Variants in SLC24A3 observed in about 807,000 individuals in gnomAD.
SLC24A3 encodes solute carrier family 24 member 3.
In SLC24A3, 28 loss-of-function variants were observed where a neutral mutation model predicts 75.8. The ratio of observed to expected loss-of-function variants is 0.37; its 90% confidence interval spans 0.27 to 0.51. SLC24A3 has a LOEUF of 0.51. Among genes scored for constraint, SLC24A3 ranks in the 20% least tolerant of loss-of-function variants. The probability of loss-of-function intolerance (pLI) is 0.94; values close to 1 mark genes in which losing one functional copy is unlikely to be tolerated. For missense variants in SLC24A3, 663 were observed against 847.8 expected (o/e 0.78, Z 2.71); for synonymous variants, 372 against 334.1 (o/e 1.11, Z -1.24).
chr20:19,228,883 G>A (rs1220039306), intron 1 of SLC24A3, among the ~76,000 whole-genome samples: 2 of 152,000 alleles, frequency 1.3e-5, no homozygotes, highest in Non-Finnish European at 2.9e-5. Context: ...TAGCTCCTTT[G>A]CCAGGTTTTG....
chr20:19,452,121 G>C (rs1041693699), intron 2 of SLC24A3, among the ~76,000 whole-genome samples: 3 of 152,120 alleles, frequency 2.0e-5, no homozygotes, highest in African/African-American at 7.2e-5. Context: ...TAGATGAGGC[G>C]CTTAAGGCTT....
intron 2 of SLC24A3, among the ~76,000 whole-genome samples, chr20:19,329,457 A>G (rs190444280): frequency 1.3e-5 from 2 of 152,290 alleles, no homozygotes; most frequent in Admixed American, 1.3e-4. Context: ...TAGGAAACAC[A>G]ACGAGATGCT....
chr20:19,438,965 T>A (rs6136728), intron 2 of SLC24A3, among the ~76,000 whole-genome samples: 9,575 of 152,184 alleles, frequency 0.063, 977 homozygotes, highest in East Asian at 0.44. Flanking sequence ...ATGCCCAGAG[T>A]CAAGCGCATG....
intron 2 of SLC24A3, among the ~76,000 whole-genome samples, chr20:19,325,332 G>T (rs1363829141): frequency 6.6e-6 from 1 of 151,892 alleles, no homozygotes; most frequent in Admixed American, 6.6e-5. Context: ...TGTAGTCCCA[G>T]CTACTGGTGG....
At chr20:19,444,994 C>T (rs1457562524) in intron 2 of SLC24A3, among the ~76,000 whole-genome samples, 1 of 152,042 alleles carries the variant, frequency 6.6e-6, no homozygotes, top group Non-Finnish European at 1.5e-5. Context: ...CTGTGTCTCA[C>T]ACGTTTTGAT....
At chr20:19,238,836 C>T (rs1007299156) in intron 1 of SLC24A3, among the ~76,000 whole-genome samples, 21 of 152,226 alleles carry the variant, frequency 1.4e-4, no homozygotes, top group African/African-American at 5.1e-4. Context: ...TCCACAATGA[C>T]GACAATGATC....
chr20:19,639,629 C>T (rs1018688385), intron 6 of SLC24A3, among the ~76,000 whole-genome samples: 9 of 152,256 alleles, frequency 5.9e-5, no homozygotes, highest in Admixed American at 3.3e-4. Flanking sequence ...GCTGTGCAGC[C>T]GCACTCCTCA....
At chr20:19,690,871 AT>A (rs903954885) in intron 12 of SLC24A3, among the ~76,000 whole-genome samples, 1 of 151,938 alleles carries the variant, frequency 6.6e-6, no homozygotes, top group Non-Finnish European at 1.5e-5. Flanking sequence ...TTTTCTTACT[AT>A]TTTTTTTGTT....
At chr20:19,312,146 G>T (rs537697841) in intron 2 of SLC24A3, among the ~76,000 whole-genome samples, 1 of 152,274 alleles carries the variant, frequency 6.6e-6, no homozygotes, top group South Asian at 2.1e-4. Flanking sequence ...TTTCTAAGTG[G>T]CAGTGGGTGT....
intron 6 of SLC24A3, among the ~76,000 whole-genome samples, chr20:19,612,716 G>C (rs2031687509): frequency 1.3e-5 from 2 of 151,736 alleles, no homozygotes; most frequent in South Asian, 4.2e-4. Context: ...ATCTGGCTCA[G>C]CTGCCACAAT....
intron 1 of SLC24A3, among the ~76,000 whole-genome samples, chr20:19,232,710 T>G (rs182176448): frequency 4.1e-4 from 63 of 152,364 alleles, no homozygotes; most frequent in African/African-American, 1.4e-3. Context: ...AGAACTCTGT[T>G]GGCTAAGCTA....
chr20:19,398,428 G>C (rs1034843798), intron 2 of SLC24A3, among the ~76,000 whole-genome samples: 1 of 152,122 alleles, frequency 6.6e-6, no homozygotes, highest in Non-Finnish European at 1.5e-5. Flanking sequence ...ACGTTAAAAA[G>C]TGTGTTGCTT....
chr20:19,600,803 C>T (rs995396092), intron 6 of SLC24A3, among the ~76,000 whole-genome samples: 5 of 152,124 alleles, frequency 3.3e-5, no homozygotes, highest in African/African-American at 1.2e-4. Flanking sequence ...GGACTACAGG[C>T]AGGTGCCACC....
At position 19,420,680 on chromosome 20, in the gene SLC24A3, T is replaced by C. The variant is rs1239345391; in HGVS notation, c.272-94808T>C. On this transcript the variant is annotated intron_variant, in intron 2 of 16. Coordinates refer to ENST00000328041, the MANE Select transcript of SLC24A3 (RefSeq NM_020689.4). The stretch of plus-strand genomic sequence containing the variant: ...GCTACCAATGACTTTCTTCACAGAA[T>C]TGGAAAAAACTACTTTAAAGTTCAT... Among the ~76,000 whole-genome samples, 2 of 92,230 alleles carry C rather than the reference T, an allele frequency of 2.2e-5. 1 individual carries two copies. Among genetic ancestry groups the C allele is most frequent in the East Asian group, 2.2e-3 (2 of 928 alleles). The allele number at this position is 92,230 out of a possible 152,430, so 60.5% of individuals were successfully genotyped here.
chr20:19,526,466 T>C (rs6046158), intron 3 of SLC24A3, among the ~76,000 whole-genome samples: 14,277 of 152,276 alleles, frequency 0.094, 781 homozygotes, highest in Middle Eastern at 0.13. Context: ...TCTCATATTA[T>C]TTTCATCTCT....
intron 2 of SLC24A3, among the ~76,000 whole-genome samples, chr20:19,473,951 C>T (rs1425694306): frequency 6.6e-6 from 1 of 152,212 alleles, no homozygotes; most frequent in Non-Finnish European, 1.5e-5. Context: ...TGTCTGGATG[C>T]TGAATTGTCA....
intron 2 of SLC24A3, among the ~76,000 whole-genome samples, chr20:19,333,117 A>G (rs1985038893): frequency 1.3e-5 from 2 of 152,166 alleles, no homozygotes; most frequent in African/African-American, 2.4e-5. Flanking sequence ...AAAGAGGGGC[A>G]GTGGTTGTAA....
chr20:19,590,213 G>A (rs1054574348), intron 6 of SLC24A3, among the ~76,000 whole-genome samples: 5 of 151,944 alleles, frequency 3.3e-5, no homozygotes, highest in Admixed American at 2.6e-4. Context: ...ACAATGTGCA[G>A]CTAGAAGTTT....
intron 4 of SLC24A3, 86 bp from the exon 5 acceptor site, chr20:19,584,885 A>G: frequency 8.0e-7 from 1 of 1,251,926 alleles, no homozygotes; most frequent in Non-Finnish European, 1.1e-6. Flanking sequence ...TTTGCTTCTC[A>G]GGGCTTGGAC....
Sources: allele counts gnomAD v4.1 joint callset (sites outside exome capture counted in the v4.1 genomes callset), GRCh38; gene constraint gnomAD v4.1.1; transcripts MANE v1.5; gene names NCBI Gene and HGNC (gene_info 2026-07-23, HGNC 2026-07-21).